Variants in MGAM2 observed in about 807,000 individuals in gnomAD.
MGAM2 encodes the protein probable maltase-glucoamylase 2.
In MGAM2, 98 loss-of-function variants were observed where a neutral mutation model predicts 96.1. The ratio of observed to expected loss-of-function variants is 1.02; its 90% confidence interval spans 0.87 to 1.21. The LOEUF (loss-of-function observed/expected upper bound fraction) is 1.21, where lower values mean the gene tolerates loss of function less well. Among genes scored for constraint, MGAM2 ranks in the 50% most tolerant of loss-of-function variants. The pLI is 0.00. For synonymous variants in MGAM2, 749 were observed against 414.8 expected (o/e 1.81, Z -9.79); for missense variants, 2,055 against 1,182.4 (o/e 1.74, Z -10.82).
intron 16 of MGAM2, 149 bp downstream of exon 16, chr7:142,154,338 G>A: frequency 2.1e-6 from 1 of 478,546 alleles, no homozygotes; most frequent in Non-Finnish European, 3.7e-6. Flanking sequence ...TACGTGAGCT[G>A]CCTTCTGAAG....
intron 32 of MGAM2, 27 bp downstream of exon 32, chr7:142,175,807 A>G (rs1563277129): frequency 1.4e-6 from 1 of 696,502 alleles, no homozygotes. Context: ...ATCAGATCCT[A>G]CTTTCTGTTT....
chr7:142,135,341 G>A (rs1280000998), intron 7 of MGAM2, among the ~76,000 whole-genome samples: 1 of 152,170 alleles, frequency 6.6e-6, no homozygotes, highest in Non-Finnish European at 1.5e-5. Flanking sequence ...TACTACGTTT[G>A]ACTTTCTATA....
intron 12 of MGAM2, among the ~76,000 whole-genome samples, chr7:142,142,435 A>G (rs1795256827): frequency 6.6e-6 from 1 of 151,140 alleles, no homozygotes. Flanking sequence ...TGAATTAGAT[A>G]GTTGACTTCA....
rs1204543612 is a variant in MGAM2, at chr7:142,154,862, A to T, written c.1923+17A>T. The T allele has an allele frequency of 7.1e-6, 5 of 702,492 alleles. No individual in the cohort carries two copies. In the African/African-American group the frequency reaches 8.7e-5, roughly 12 times the overall value. The allele number at this position is 702,492 out of a possible 1,614,324, so 43.5% of individuals were successfully genotyped here. ...GGGTTCAGGGTAAGGTCACCAAAAG[A>T]AGTGATGGAAACTTTTTGGATTAGC... On this transcript the variant is annotated intron_variant, in intron 17 of 47. Coordinates refer to ENST00000477922, the MANE Select transcript of MGAM2 (RefSeq NM_001293626.2).
At chr7:142,166,341 A>C (rs970226468) in intron 25 of MGAM2, 88 bp downstream of exon 25, 13 of 587,192 alleles carry the variant, frequency 2.2e-5, no homozygotes, top group Non-Finnish European at 3.6e-5. Flanking sequence ...GCTTGAAGAA[A>C]ACCAGGACCC....
In MGAM2 at chr7:142,147,448, C is replaced by A; in HGVS notation, c.1517-8C>A. The A allele has an allele frequency of 1.4e-6, 1 of 698,948 alleles. No individual in the cohort carries two copies. The highest frequency in any genetic ancestry group is 2.6e-6 in the Non-Finnish European group (1 of 383,674). 43.3% of individuals were successfully genotyped at this position (698,948 alleles called of 1,614,324 possible). A position where few individuals can be genotyped will look rare whatever the true frequency, so the allele number is the denominator to read the frequency against. ...GGAAGTGCCTCACTAATGAGTATTT[C>A]CCTCCAGGAGTTCTGGATCACTTAC... On this transcript the variant is annotated splice_polypyrimidine_tract_variant and splice_region_variant and intron_variant, in intron 14 of 47. Coordinates refer to ENST00000477922, the MANE Select transcript of MGAM2 (RefSeq NM_001293626.2).
intron 15 of MGAM2, among the ~76,000 whole-genome samples, chr7:142,149,784 A>G (rs541987332): frequency 1.8e-3 from 270 of 150,498 alleles, no homozygotes; most frequent in African/African-American, 5.4e-3. Context: ...CTCATGATTC[A>G]CCCGCCTTGG....
chr7:142,166,313 A>G, intron 25 of MGAM2, 60 bp downstream of exon 25: 1 of 633,066 alleles, frequency 1.6e-6, no homozygotes, highest in Non-Finnish European at 2.8e-6. Context: ...CCTAGAAAAC[A>G]CTTTTCAAAT....
rs1421364555 is a variant in MGAM2 at position 142,131,635 on chromosome 7, T to G, written c.420+8T>G. 3 of 702,914 alleles carry G rather than the reference T, an allele frequency of 4.3e-6. No individual in the cohort carries two copies. The highest frequency in any genetic ancestry group is 7.8e-6 in the Non-Finnish European group (3 of 384,936). The allele number at this position is 702,914 out of a possible 1,614,324, so 43.5% of individuals were successfully genotyped here. A position where few individuals can be genotyped will look rare whatever the true frequency, so the allele number is the denominator to read the frequency against. ...AATCGGTTTCATTTTAAGGTTGGTT[T>G]GGGAGTGACTGCTAAATACATTTCT... On this transcript the variant is annotated splice_region_variant and intron_variant, in intron 5 of 47. Transcript: ENST00000477922.
chr7:142,182,844 G>T (rs1796582521), intron 32 of MGAM2, among the ~76,000 whole-genome samples: 1 of 152,180 alleles, frequency 6.6e-6, no homozygotes, highest in South Asian at 2.1e-4. Context: ...GAAGTGTAAT[G>T]GTTTACTCAG....
At position 142,221,992 on chromosome 7, in the gene MGAM2, C is replaced by T. The variant is rs1405839968; in HGVS notation, c.7481C>T (p.Thr2494Ile). ...YALNTTTPDS[T>I]VHTSATAPTY... ...TTAAATACTACCACTCCTGATAGTACAGTACATACCTCTGCTACTGCACCT... is the reference window on the plus strand; with the variant it reads ...TTAAATACTACCACTCCTGATAGTATAGTACATACCTCTGCTACTGCACCT... The change falls in exon 48 of 48, where the codon ACA becomes ATA. Residue 2494 changes from threonine to isoleucine, a missense_variant. Thr to Ile is a moderately conservative substitution (Grantham distance 89). Transcript: ENST00000477922. 2 of 398,490 alleles carry T rather than the reference C, an allele frequency of 5.0e-6. No individual in the cohort carries two copies. The highest frequency in any genetic ancestry group is 4.4e-6 in the Non-Finnish European group (1 of 225,956). The allele number at this position is 398,490 out of a possible 1,614,324, so 24.7% of individuals were successfully genotyped here.
At position 142,131,089 on chromosome 7, in the gene MGAM2, G is replaced by A; in HGVS notation, c.310+18G>A. ...AAGCACAGGTGAGCACTGCCCTGAT[G>A]TTGCGCCTGGGAACAACTCCTTATG... On this transcript the variant is annotated intron_variant, in intron 4 of 47. Coordinates refer to ENST00000477922, the MANE Select transcript of MGAM2 (RefSeq NM_001293626.2). 1 of 700,754 alleles carries A rather than the reference G, an allele frequency of 1.4e-6. No homozygotes were observed. 43.4% of individuals were successfully genotyped at this position (700,754 alleles called of 1,614,324 possible). A position where few individuals can be genotyped will look rare whatever the true frequency, so the allele number is the denominator to read the frequency against.
intron 37 of MGAM2, among the ~76,000 whole-genome samples, chr7:142,189,739 A>G (rs955167796): frequency 6.6e-6 from 1 of 152,234 alleles, no homozygotes; most frequent in Admixed American, 6.5e-5. Context: ...AGAGTTGTGC[A>G]ACTATCACAA....
chr7:142,161,004 A>G (rs1188160680), intron 21 of MGAM2, 121 bp from the exon 22 acceptor site: 1 of 564,154 alleles, frequency 1.8e-6, no homozygotes, highest in African/African-American at 1.9e-5. Context: ...CCCAATATCA[A>G]CATCTACTCA....
intron 32 of MGAM2, among the ~76,000 whole-genome samples, chr7:142,176,762 G>T (rs1395265437): frequency 6.6e-6 from 1 of 152,046 alleles, no homozygotes. Flanking sequence ...TGATAAATTG[G>T]CTCTCTCTGC....
At chr7:142,144,770 G>C in intron 13 of MGAM2, 91 bp from the exon 14 acceptor site, 1 of 594,706 alleles carries the variant, frequency 1.7e-6, no homozygotes, top group Admixed American at 2.9e-5. Flanking sequence ...AAGGGACCCA[G>C]ATATCCTGGC....
At position 142,172,764 on chromosome 7, in the gene MGAM2, G is replaced by A; in HGVS notation, c.3561G>A (p.Glu1187=). 1.4e-6 allele frequency: 1 copy of A among 697,082 alleles called. No individual in the cohort carries two copies. The highest frequency in any genetic ancestry group is 2.6e-6 in the Non-Finnish European group (1 of 383,344). 43.2% of individuals were successfully genotyped at this position (697,082 alleles called of 1,614,324 possible). Residue 1187 remains glutamate (E), a splice_region_variant and synonymous_variant, in exon 30 of 48, where the codon GAG becomes GAA. Coordinates refer to ENST00000477922, the MANE Select transcript of MGAM2 (RefSeq NM_001293626.2). ...TPELVTQQYT[E]LIGRPAMIPY... ...AACTTGTAACTCAGCAATACACAGAGGTTAGAAGCCATTCTGTCCATCAAT... is the reference window on the plus strand; with the variant it reads ...AACTTGTAACTCAGCAATACACAGAAGTTAGAAGCCATTCTGTCCATCAAT...
intron 46 of MGAM2, among the ~76,000 whole-genome samples, chr7:142,215,406 A>G (rs1375539727): frequency 6.6e-6 from 1 of 151,814 alleles, no homozygotes; most frequent in Non-Finnish European, 1.5e-5. Flanking sequence ...ATGTATACCT[A>G]TGTAACAAAC....
At chr7:142,167,241 G>A in intron 25 of MGAM2, 27 bp from the exon 26 acceptor site, 2 of 660,092 alleles carry the variant, frequency 3.0e-6, no homozygotes, top group East Asian at 5.4e-5. Flanking sequence ...ATCAGAGGCT[G>A]AGCAAGACTT....
Sources: allele counts gnomAD v4.1 joint callset (sites outside exome capture counted in the v4.1 genomes callset), GRCh38; gene constraint gnomAD v4.1.1; transcripts MANE v1.5; gene names NCBI Gene and HGNC (gene_info 2026-07-23, HGNC 2026-07-21).